The following FAM184A variants were observed in gnomAD, a reference collection of about 807,000 sequenced individuals.
FAM184A encodes the protein protein FAM184A.
In FAM184A, 99 loss-of-function variants were observed where a neutral mutation model predicts 143.8. The ratio of observed to expected loss-of-function variants is 0.69; its 90% CI spans 0.58 to 0.81. FAM184A has a LOEUF of 0.81. FAM184A is among the 40% of genes least tolerant of loss of function. The pLI, the probability that FAM184A is intolerant of heterozygous loss-of-function variation, is 0.00. For synonymous variants in FAM184A, 427 were observed against 446.4 expected (o/e 0.96, Z 0.55); for missense variants, 1,217 against 1,310.5 (o/e 0.93, Z 1.10).
At chr6:119,084,757 T>C (rs990547423) in intron 1 of FAM184A, among the ~76,000 whole-genome samples, 3 of 152,248 alleles carry the variant, frequency 2.0e-5, no homozygotes, top group Admixed American at 6.5e-5. Context: ...TGCTTACACA[T>C]ACAGGTTTTT....
At chr6:118,992,899 C>T (rs1163617878) in intron 9 of FAM184A, among the ~76,000 whole-genome samples, 3 of 152,156 alleles carry the variant, frequency 2.0e-5, no homozygotes, top group African/African-American at 7.2e-5. Context: ...TACTGCACTC[C>T]AGCCTGAGAG....
chr6:119,023,092 TA>T lies in FAM184A; in HGVS notation c.1015-13del, dbSNP rs756433089. The T allele has an allele frequency of 6.2e-7, 1 of 1,612,732 alleles. No homozygotes were observed. Among genetic ancestry groups the T allele is most frequent in the Non-Finnish European group, 8.5e-7 (1 of 1,179,648 alleles). On this transcript the variant is annotated splice_polypyrimidine_tract_variant and intron_variant, in intron 2 of 17. Coordinates refer to ENST00000338891, the MANE Select transcript of FAM184A (RefSeq NM_024581.6). ...TGTTTTTGAAGAACCTAAGAAAGAT[TA>T]AATAGCCATTGTTAAAATGCAGGAA...
chr6:119,138,047 G>T (rs1006099706), intron 1 of FAM184A, among the ~76,000 whole-genome samples: 17 of 152,202 alleles, frequency 1.1e-4, no homozygotes, highest in Admixed American at 5.9e-4. Context: ...CTTTCAGTAA[G>T]TTCTTTTATG....
At position 119,012,349 on chromosome 6, in the gene FAM184A, T is replaced by C. The variant is rs74556575; in HGVS notation, c.1531-918A>G. Among the ~76,000 whole-genome samples, 23 of 152,290 alleles carry C rather than the reference T, an allele frequency of 1.5e-4. No individual in the cohort carries two copies. In the East Asian group the frequency reaches 4.4e-3, roughly 29 times the overall value. ...ACATTCACGGGTATAGTCACACTCA[T>C]GGCTGTGATTATGGCACAGGACTCA... is the stretch of plus-strand genomic sequence containing the variant. On this transcript the variant is annotated intron_variant, in intron 5 of 17. Coordinates refer to ENST00000338891, the MANE Select transcript of FAM184A (RefSeq NM_024581.6).
chr6:119,079,106 G>A (rs1490958011), upstream of FAM184A: 1 of 152,312 alleles, frequency 6.6e-6, no homozygotes, highest in Non-Finnish European at 1.5e-5. Flanking sequence ...AGAGAGGCAA[G>A]CCCAATCCAG....
At chr6:118,990,253 T>C (rs961975078) in intron 9 of FAM184A, among the ~76,000 whole-genome samples, 1 of 152,242 alleles carries the variant, frequency 6.6e-6, no homozygotes, top group African/African-American at 2.4e-5. Context: ...ATGTATGTTA[T>C]TTAAGATTCC....
In FAM184A at chr6:118,998,791, A is replaced by G. The variant is rs753672520; in HGVS notation, c.2088+4108T>C. Reference sequence around the variant, plus strand: ...GAAAGGGAGAGAGTGACAGGAGATGATGTTGGCAATGCAGCCAGAGACCAG... The same window carrying G: ...GAAAGGGAGAGAGTGACAGGAGATGGTGTTGGCAATGCAGCCAGAGACCAG... On this transcript the variant is annotated intron_variant, in intron 9 of 17. Transcript: ENST00000338891. Among the ~76,000 whole-genome samples the G allele has an allele frequency of 4.3e-4, 65 of 152,182 alleles. 1 individual carries two copies. Among genetic ancestry groups the G allele is most frequent in the Non-Finnish European group, 7.4e-5 (5 of 68,024 alleles).
chr6:119,029,308 G>C (rs966314161), intron 1 of FAM184A, among the ~76,000 whole-genome samples: 3 of 152,174 alleles, frequency 2.0e-5, no homozygotes, highest in Non-Finnish European at 4.4e-5. Context: ...AATGAGGGAA[G>C]GAGGAAATAT....
At chr6:119,055,538 A>T (rs969109761) in intron 1 of FAM184A, among the ~76,000 whole-genome samples, 2 of 152,232 alleles carry the variant, frequency 1.3e-5, no homozygotes. Context: ...ATTTCTCCAC[A>T]TCCGTGGCAA....
At position 119,144,251 on chromosome 6, in the gene FAM184A, G is replaced by A. The variant is rs185626064; in HGVS notation, c.-202+4827C>T. Among the ~76,000 whole-genome samples the A allele has an allele frequency of 4.7e-4, 71 of 150,976 alleles. 1 individual carries two copies. Among genetic ancestry groups the A allele is most frequent in the African/African-American group, 1.1e-3 (45 of 41,074 alleles). ...CGAGAGGCTGAGGCAGGAGAATGGC[G>A]TGAACCTGGGAGGCGGAGCTTGCAG... On this transcript the variant is annotated intron_variant, in intron 1 of 16. Transcript: ENST00000352896.
At chr6:119,084,492 G>A (rs1014402009) in intron 1 of FAM184A, among the ~76,000 whole-genome samples, 1 of 152,192 alleles carries the variant, frequency 6.6e-6, no homozygotes, top group Non-Finnish European at 1.5e-5. Flanking sequence ...TTCCACCCCT[G>A]TGGCCTTCCA....
At chr6:119,022,094 TG>T (rs1785468639) in intron 3 of FAM184A, among the ~76,000 whole-genome samples, 2 of 145,196 alleles carry the variant, frequency 1.4e-5, no homozygotes, top group African/African-American at 5.1e-5. Flanking sequence ...AGCCTTGCTC[TG>T]TTGCTCAGGC....
intron 1 of FAM184A, among the ~76,000 whole-genome samples, chr6:119,132,345 T>A (rs1789556061): frequency 6.6e-6 from 1 of 152,200 alleles, no homozygotes; most frequent in African/African-American, 2.4e-5. Context: ...GCAATGTAAT[T>A]TGCAGTAAGC....
intron 9 of FAM184A, among the ~76,000 whole-genome samples, chr6:118,988,815 T>C (rs1784271471): frequency 6.6e-6 from 1 of 151,930 alleles, no homozygotes; most frequent in Non-Finnish European, 1.5e-5. Context: ...TCCCTCCTAA[T>C]ATGGGGGAAA....
At position 119,024,015 on chromosome 6, in the gene FAM184A, G is replaced by A. The variant is rs551419696; in HGVS notation, c.958C>T (p.Leu320Phe). The A allele has an allele frequency of 1.4e-5, 23 of 1,610,130 alleles. No homozygotes were observed. The highest frequency in any genetic ancestry group is 2.0e-5 in the Non-Finnish European group (23 of 1,179,090). The change falls in exon 2 of 18, where the codon CTT becomes TTT. Residue 320 changes from leucine to phenylalanine, a missense_variant. Physicochemically the swap from Leu to Phe is conservative, Grantham distance 22. Coordinates refer to ENST00000338891, the MANE Select transcript of FAM184A (RefSeq NM_024581.6). The part of the protein sequence containing the change: ...QMVQDEAGSL[L>F]DKCQKLQTAL... ...GTCTGAAGCTTTTGGCATTTGTCAA[G>A]AAGACTTCCAGCTTCATCCTGTACC...
chr6:119,027,898 C>T (rs779069877), intron 1 of FAM184A, among the ~76,000 whole-genome samples: 1 of 152,180 alleles, frequency 6.6e-6, no homozygotes. Flanking sequence ...CATTTTTCTA[C>T]TGAACTTAAA....
At chr6:118,979,640 T>C (rs2114580009) in intron 10 of FAM184A, 122 bp from the exon 11 acceptor site, 2 of 757,478 alleles carry the variant, frequency 2.6e-6, no homozygotes, top group East Asian at 5.7e-5. Context: ...TAGGTTCATT[T>C]TCAAGAAAAC....
intron 1 of FAM184A, among the ~76,000 whole-genome samples, chr6:119,050,938 A>G (rs969208301): frequency 2.6e-5 from 4 of 152,200 alleles, no homozygotes; most frequent in Non-Finnish European, 5.9e-5. Flanking sequence ...TATAAATGGG[A>G]GCTAAATGAT....
At chr6:119,013,645 A>G (rs1785156534) in intron 5 of FAM184A, among the ~76,000 whole-genome samples, 1 of 152,382 alleles carries the variant, frequency 6.6e-6, no homozygotes, top group Middle Eastern at 3.4e-3. Context: ...GTCTTGAGAA[A>G]TAACATGTCA....
Sources: gnomAD v4.1 joint callset for allele counts (sites outside exome capture counted in the v4.1 genomes callset) on GRCh38, gnomAD v4.1.1 for gene constraint, MANE v1.5 for transcripts, NCBI Gene and HGNC (gene_info 2026-07-23, HGNC 2026-07-21) for gene names.